Variants in PDE2A observed in about 807,000 individuals in gnomAD.
PDE2A encodes the protein cGMP-dependent 3',5'-cyclic phosphodiesterase.
In PDE2A, 53 loss-of-function variants were observed where a neutral mutation model predicts 133.6. The ratio of observed to expected loss-of-function variants is 0.40; its 90% CI spans 0.32 to 0.50. The LOEUF is 0.50. PDE2A is among the 20% of genes least tolerant of loss of function. The probability of loss-of-function intolerance (pLI) is 0.73; values close to 1 mark genes in which losing one functional copy is unlikely to be tolerated. For missense variants in PDE2A, 796 were observed against 1,232.4 expected (o/e 0.65, Z 5.30); for synonymous variants, 491 against 490.2 (o/e 1.00, Z -0.02).
intron 4 of PDE2A, among the ~76,000 whole-genome samples, chr11:72,603,338 G>C (rs1185764186): frequency 1.3e-5 from 2 of 152,134 alleles, no homozygotes; most frequent in South Asian, 2.1e-4. Flanking sequence ...TGAAGTGGTT[G>C]GAAGGAGGAT....
intron 1 of PDE2A, 94 bp from the exon 2 acceptor site, chr11:72,642,420 G>C (rs1346119679): frequency 4.8e-6 from 6 of 1,245,294 alleles, no homozygotes; most frequent in Non-Finnish European, 6.1e-6. Context: ...CGCTGCGCTC[G>C]GTCAGCGCGT....
chr11:72,615,485 A>G (rs866995518), intron 2 of PDE2A, among the ~76,000 whole-genome samples: 8 of 152,294 alleles, frequency 5.3e-5, no homozygotes, highest in African/African-American at 1.9e-4. Flanking sequence ...AGGAGGGAAC[A>G]GTCAGAGTGG....
At chr11:72,601,655 T>C (rs552873693) in intron 4 of PDE2A, among the ~76,000 whole-genome samples, 26 of 152,192 alleles carry the variant, frequency 1.7e-4, no homozygotes, top group Non-Finnish European at 2.9e-4. Context: ...TCAGAGGCTT[T>C]AAGATAGCAG....
In PDE2A at chr11:72,612,274, TCCACACACAC is replaced by T. The variant is rs1160787076; in HGVS notation, c.145-3533_145-3524del. ...GTTGCACTTAGACATGCACATCACA[TCCACACACAC>T]ACACACACACACACACACACACACA... On this transcript the variant is annotated intron_variant, in intron 2 of 30. Transcript: ENST00000334456. Among the ~76,000 whole-genome samples the T allele has an allele frequency of 2.2e-3, 251 of 112,906 alleles. 2 individuals are homozygous for T. Among genetic ancestry groups the T allele is most frequent in the Admixed American group, 0.011 (115 of 10,472 alleles). The allele number at this position is 112,906 out of a possible 152,430, so 74.1% of individuals were successfully genotyped here. A position where few individuals can be genotyped will look rare whatever the true frequency, so the allele number is the denominator to read the frequency against.
chr11:72,658,217 G>C (rs1016345672), intron 1 of PDE2A: 1 of 434,012 alleles, frequency 2.3e-6, no homozygotes, highest in Non-Finnish European at 4.6e-6. Flanking sequence ...AATGGTGGGT[G>C]AGGGTTCTGG....
intron 2 of PDE2A, among the ~76,000 whole-genome samples, chr11:72,634,455 C>T (rs543136696): frequency 9.2e-5 from 14 of 152,180 alleles, no homozygotes; most frequent in Non-Finnish European, 2.1e-4. Context: ...GACTGGGAAT[C>T]AGGAAGCCTG....
At chr11:72,599,456 T>C (rs1856639305) in intron 4 of PDE2A, among the ~76,000 whole-genome samples, 1 of 152,060 alleles carries the variant, frequency 6.6e-6, no homozygotes, top group Non-Finnish European at 1.5e-5. Context: ...ATCCACCAGG[T>C]CCTTCACGGC....
intron 1 of PDE2A, chr11:72,643,073 G>A (rs1859026258): frequency 6.5e-6 from 1 of 153,438 alleles, no homozygotes; most frequent in Non-Finnish European, 1.5e-5. Flanking sequence ...CCCGGAGCCG[G>A]AGAGGGTGCA....
At position 72,584,609 on chromosome 11, in the gene PDE2A, G is replaced by A. The variant is rs1855879340; in HGVS notation, c.1479C>T (p.Asp493=). The A allele has an allele frequency of 6.2e-7, 1 of 1,612,812 alleles. No homozygotes were observed. The change falls in exon 18 of 31, where the codon GAC becomes GAT. Residue 493 remains aspartate, a synonymous_variant. Transcript: ENST00000334456. ...TGTTGCGCGTGCGGAAGCCGGTGCT[G>A]TCGTCCACGCCGCGGTAGAAAAGCG... ...AHPLFYRGVD[D]STGFRTRNIL...
At chr11:72,668,864 A>G in intron 1 of PDE2A, 1 of 975,364 alleles carries the variant, frequency 1.0e-6, no homozygotes, top group Non-Finnish European at 1.3e-6. Context: ...CCGTAGCCAC[A>G]ACCACAGCTC....
At chr11:72,606,930 A>C (rs1320707925) in intron 3 of PDE2A, among the ~76,000 whole-genome samples, 1 of 152,184 alleles carries the variant, frequency 6.6e-6, no homozygotes, top group Non-Finnish European at 1.5e-5. Context: ...CATTTCAGAC[A>C]CATCAGCACC....
intron 18 of PDE2A, 51 bp from the exon 19 acceptor site, chr11:72,584,364 G>T: frequency 7.5e-7 from 1 of 1,342,074 alleles, no homozygotes; most frequent in South Asian, 1.2e-5. Flanking sequence ...GGGATCGGTT[G>T]GAGGGAGGGA....
At chr11:72,663,121 G>A (rs756057436) in intron 1 of PDE2A, among the ~76,000 whole-genome samples, 10 of 152,270 alleles carry the variant, frequency 6.6e-5, no homozygotes, top group Non-Finnish European at 1.3e-4. Context: ...GCACTCACCC[G>A]ACAAAATTGA....
At chr11:72,623,427 C>T (rs1007689077) in intron 2 of PDE2A, among the ~76,000 whole-genome samples, 5 of 152,082 alleles carry the variant, frequency 3.3e-5, no homozygotes, top group African/African-American at 1.2e-4. Flanking sequence ...GTTTAAGGCT[C>T]GGTCCTCAGT....
rs905539057 is a variant in PDE2A at position 72,590,063 on chromosome 11, C to T, written c.757-82G>A. 4 of 1,429,364 alleles carry T rather than the reference C, an allele frequency of 2.8e-6. No individual in the cohort carries two copies. Among genetic ancestry groups the T allele is most frequent in the African/African-American group, 1.4e-5 (1 of 70,632 alleles). The allele number at this position is 1,429,364 out of a possible 1,614,324, so 88.5% of individuals were successfully genotyped here. A position where few individuals can be genotyped will look rare whatever the true frequency, so the allele number is the denominator to read the frequency against. ...CCCACCTGCTCCCCTCTCCGGGGCT[C>T]TTCAGGCGGGTGGAGGAGAGAGGAA... On this transcript the variant is annotated intron_variant, in intron 9 of 30. Transcript: ENST00000334456. This position sits in a 1 kb window ranked among gnomAD's most constrained non-coding sequence, Gnocchi z 4.8.
At position 72,590,685 on chromosome 11, in the gene PDE2A, C is replaced by T; in HGVS notation, c.550-105G>A. Reference sequence around the variant, plus strand: ...CCGCCGTTCCCTCTGCCTGCCGGGCCCAGGGACCCCGCCGCCGTCCCAAAC... The same window carrying T: ...CCGCCGTTCCCTCTGCCTGCCGGGCTCAGGGACCCCGCCGCCGTCCCAAAC... On this transcript the variant is annotated intron_variant, in intron 7 of 30. Transcript: ENST00000334456. This position sits in a 1 kb window ranked among gnomAD's most constrained non-coding sequence, Gnocchi z 4.8. The T allele has an allele frequency of 9.3e-7, 1 of 1,075,704 alleles. No individual in the cohort carries two copies. The highest frequency in any genetic ancestry group is 1.2e-6 in the Non-Finnish European group (1 of 812,874). 66.6% of individuals were successfully genotyped at this position (1,075,704 alleles called of 1,614,324 possible).
At chr11:72,614,453 C>A (rs1350953464) in intron 2 of PDE2A, among the ~76,000 whole-genome samples, 1 of 152,170 alleles carries the variant, frequency 6.6e-6, no homozygotes, top group Non-Finnish European at 1.5e-5. Flanking sequence ...GGGAAGGTAC[C>A]TTTCCCAAGC....
chr11:72,579,422 C>T (rs994974316), intron 26 of PDE2A, 39 bp from the exon 27 acceptor site: 1 of 1,578,102 alleles, frequency 6.3e-7, no homozygotes. Flanking sequence ...TCCTACTGGA[C>T]ACCCCCACCC....
chr11:72,671,217 C>T, intron 1 of PDE2A, among the ~76,000 whole-genome samples: 1 of 152,198 alleles, frequency 6.6e-6, no homozygotes, highest in Non-Finnish European at 1.5e-5. Flanking sequence ...CTTCATCAGA[C>T]TGGGCACTCC....
Sources: gnomAD v4.1 joint callset for allele counts (sites outside exome capture counted in the v4.1 genomes callset) on GRCh38, gnomAD v4.1.1 for gene constraint, Gnocchi (gnomAD v3.1) non-coding constraint, MANE v1.5 for transcripts, NCBI Gene and HGNC (gene_info 2026-07-23, HGNC 2026-07-21) for gene names.